PSKH2: variants seen among roughly 807,000 people sequenced by gnomAD.
The protein encoded by PSKH2 is protein serine kinase H2, also known as serine/threonine-protein kinase H2.
In PSKH2, 16 loss-of-function variants were observed where a neutral mutation model predicts 22.5. The observed-to-expected ratio is 0.71, with a 90% CI of 0.48 to 1.08. The LOEUF is 1.08. Among genes scored for constraint, PSKH2 ranks in the 50% least tolerant of loss-of-function variants. The pLI, the probability that PSKH2 is intolerant of heterozygous loss-of-function variation, is 0.00. For synonymous variants in PSKH2, 188 were observed against 184.8 expected (o/e 1.02, Z -0.14); for missense variants, 516 against 492.8 (o/e 1.05, Z -0.44).
chr8:86,060,522 G>T (rs1817762373), intron 2 of PSKH2, among the ~76,000 whole-genome samples: 1 of 152,140 alleles, frequency 6.6e-6, no homozygotes, highest in African/African-American at 2.4e-5. Flanking sequence ...ACCGATATAT[G>T]ATTCCTTGGT....
chr8:86,051,790 C>T (rs1437896386), intron 2 of PSKH2, among the ~76,000 whole-genome samples: 3 of 152,132 alleles, frequency 2.0e-5, no homozygotes, highest in Non-Finnish European at 2.9e-5. Context: ...ATTAAGATGA[C>T]CCCAAATGAT....
chr8:86,058,008 C>T (rs746623116), intron 2 of PSKH2, among the ~76,000 whole-genome samples: 6 of 152,146 alleles, frequency 3.9e-5, no homozygotes, highest in Non-Finnish European at 8.8e-5. Context: ...ATTTCTGGCA[C>T]GAGGAAGGCC....
At position 86,069,634 on chromosome 8, in the gene PSKH2, G is replaced by A. The variant is rs1455000422; in HGVS notation, c.-12C>T. 3 of 1,514,442 alleles carry A rather than the reference G, an allele frequency of 2.0e-6. No individual in the cohort carries two copies. Among genetic ancestry groups the A allele is most frequent in the Admixed American group, 4.6e-5 (2 of 43,784 alleles). 93.8% of individuals were successfully genotyped at this position (1,514,442 alleles called of 1,614,324 possible). ...GCGCCGCACCCCATACCCGCAACAC[G>A]CCCGCCGCTCGCGGGACCTGGGGAC... On this transcript the variant is annotated 5_prime_UTR_variant, in exon 1 of 3. Coordinates refer to ENST00000276616, the MANE Select transcript of PSKH2 (RefSeq NM_033126.3).
chr8:86,052,603 A>G (rs1563539687), intron 2 of PSKH2, among the ~76,000 whole-genome samples: 1 of 152,160 alleles, frequency 6.6e-6, no homozygotes, highest in Non-Finnish European at 1.5e-5. Flanking sequence ...TCACACCTTA[A>G]TTCCTTCCTC....
intron 2 of PSKH2, 87 bp downstream of exon 2, chr8:86,063,878 A>C: frequency 9.2e-7 from 1 of 1,085,996 alleles, no homozygotes; most frequent in South Asian, 1.6e-5. Context: ...AACCCCAAAA[A>C]TCATCCAGTC....
intron 2 of PSKH2, among the ~76,000 whole-genome samples, chr8:86,050,842 C>T (rs1320489746): frequency 6.6e-6 from 1 of 152,120 alleles, no homozygotes; most frequent in Non-Finnish European, 1.5e-5. Context: ...AAGCAGAGTC[C>T]ATACATAGAC....
At position 86,064,193 on chromosome 8, in the gene PSKH2, T is replaced by C. The variant is rs778681720; in HGVS notation, c.624A>G (p.Ala208=). 2 of 1,614,156 alleles carry C rather than the reference T, an allele frequency of 1.2e-6. No homozygotes were observed. The highest frequency in any genetic ancestry group is 1.7e-6 in the Non-Finnish European group (2 of 1,180,048). ...AGTCACCACTTTTTTTCCCGGAGTA[T>C]GCCAAACCAAAATCTGTAATTAAAA... ...SKILITDFGL[A]YSGKKSGDWT... is the part of the protein sequence containing the mutation. Residue 208 remains alanine (A), a synonymous_variant, in exon 2 of 3, where the codon GCA becomes GCG. Coordinates refer to ENST00000276616, the MANE Select transcript of PSKH2 (RefSeq NM_033126.3).
chr8:86,048,418 A>T lies in PSKH2; in HGVS notation c.*44T>A. On this transcript the variant is annotated 3_prime_UTR_variant, in exon 3 of 3. Transcript: ENST00000276616. ...GCTTGAGGGTGCCCTAATCATGATGAAATGGTCCTAAAATAGGCAAAAATA... is the reference window on the plus strand; with the variant it reads ...GCTTGAGGGTGCCCTAATCATGATGTAATGGTCCTAAAATAGGCAAAAATA... 1 of 1,493,842 alleles carries T rather than the reference A, an allele frequency of 6.7e-7. No individual in the cohort carries two copies. The highest frequency in any genetic ancestry group is 9.2e-7 in the Non-Finnish European group (1 of 1,088,012). The allele number at this position is 1,493,842 out of a possible 1,614,324, so 92.5% of individuals were successfully genotyped here. A position where few individuals can be genotyped will look rare whatever the true frequency, so the allele number is the denominator to read the frequency against.
intron 2 of PSKH2, among the ~76,000 whole-genome samples, chr8:86,062,573 T>A (rs1281393159): frequency 6.6e-6 from 1 of 152,046 alleles, no homozygotes; most frequent in Admixed American, 6.6e-5. Context: ...TAACGAGATC[T>A]GATGGTTTTA....
chr8:86,049,054 T>C (rs1390234894), intron 2 of PSKH2, among the ~76,000 whole-genome samples: 3 of 152,174 alleles, frequency 2.0e-5, no homozygotes, highest in African/African-American at 7.2e-5. Context: ...AATCTGTCCA[T>C]TGTGCTGTTG....
upstream of PSKH2, chr8:86,069,677 C>T (rs575289722): frequency 2.8e-6 from 4 of 1,446,670 alleles, no homozygotes; most frequent in Non-Finnish European, 3.6e-6. Context: ...GCAGCCAGCC[C>T]CGTTCCTCCG....
rs1817547501 is a variant in PSKH2, at chr8:86,047,762, A to G, written c.*700T>C. On this transcript the variant is annotated 3_prime_UTR_variant, in exon 3 of 3. Coordinates refer to ENST00000276616, the MANE Select transcript of PSKH2 (RefSeq NM_033126.3). The stretch of plus-strand genomic sequence containing the variant: ...CTAAAAGAAACCAGTACATACTGAA[A>G]AGAGTTGACAGTAGTGATAAGAAGC... Among the ~76,000 whole-genome samples the G allele has an allele frequency of 6.6e-6, 1 of 152,126 alleles. No individual in the cohort carries two copies. Among genetic ancestry groups the G allele is most frequent in the African/African-American group, 2.4e-5 (1 of 41,448 alleles).
intron 2 of PSKH2, among the ~76,000 whole-genome samples, chr8:86,057,414 C>T (rs1315936592): frequency 6.6e-6 from 1 of 151,714 alleles, no homozygotes; most frequent in African/African-American, 2.4e-5. Flanking sequence ...TAATCTGTCA[C>T]CAGGCTGGAG....
chr8:86,060,685 A>G (rs28562340), intron 2 of PSKH2, among the ~76,000 whole-genome samples: 7,568 of 152,220 alleles, frequency 0.05, 620 homozygotes, highest in African/African-American at 0.17. Flanking sequence ...AAGACACTTG[A>G]TGATATCAAA....
At chr8:86,057,984 C>G (rs1563541388) in intron 2 of PSKH2, among the ~76,000 whole-genome samples, 1 of 152,282 alleles carries the variant, frequency 6.6e-6, no homozygotes, top group East Asian at 1.9e-4. Flanking sequence ...AGCAGAGACA[C>G]TGAGCTGAAC....
intron 2 of PSKH2, among the ~76,000 whole-genome samples, chr8:86,060,379 C>T (rs1479306684): frequency 1.3e-5 from 2 of 152,124 alleles, no homozygotes; most frequent in East Asian, 1.9e-4. Flanking sequence ...AGGAAAATTC[C>T]CTTTACTCTA....
chr8:86,052,706 C>T (rs978903273), intron 2 of PSKH2, among the ~76,000 whole-genome samples: 3 of 152,076 alleles, frequency 2.0e-5, no homozygotes, highest in Non-Finnish European at 4.4e-5. Flanking sequence ...TTCACAATAG[C>T]ATGACAAATG....
chr8:86,051,250 A>G (rs1817626139), intron 2 of PSKH2, among the ~76,000 whole-genome samples: 1 of 151,772 alleles, frequency 6.6e-6, no homozygotes, highest in Admixed American at 6.6e-5. Flanking sequence ...CACCAAGCCC[A>G]GCTAATTTTT....
chr8:86,064,916 C>T (rs997525981), intron 1 of PSKH2, among the ~76,000 whole-genome samples: 1 of 152,088 alleles, frequency 6.6e-6, no homozygotes, highest in Non-Finnish European at 1.5e-5. Flanking sequence ...AATCTTATCC[C>T]TACTAAAACC....
Sources: gnomAD v4.1 joint callset for allele counts (sites outside exome capture counted in the v4.1 genomes callset) on GRCh38, gnomAD v4.1.1 for gene constraint, MANE v1.5 for transcripts, NCBI Gene and HGNC (gene_info 2026-07-23, HGNC 2026-07-21) for gene names.